FILIP1L: variants seen among roughly 807,000 people sequenced by gnomAD.
FILIP1L encodes filamin A-interacting protein 1-like.
In FILIP1L, 55 loss-of-function variants were observed where a neutral mutation model predicts 96.6. That is an observed-to-expected ratio of 0.57 (90% CI 0.46 to 0.71). The LOEUF (loss-of-function observed/expected upper bound fraction) is 0.71, where lower values mean the gene tolerates loss of function less well. FILIP1L is among the 30% of genes least tolerant of loss of function. FILIP1L has a pLI of 0.00. For missense variants in FILIP1L, 1,304 were observed against 1,321.2 expected (o/e 0.99, Z 0.20); for synonymous variants, 467 against 473.9 (o/e 0.99, Z 0.19).
At chr3:99,848,257 G>C (rs1156256198) in intron 5 of FILIP1L, 38 bp downstream of exon 5, 13 of 1,608,318 alleles carry the variant, frequency 8.1e-6, no homozygotes, top group Non-Finnish European at 1.1e-5. Flanking sequence ...GTATGGACTG[G>C]ATGAGGGTGA....
intron 1 of FILIP1L, among the ~76,000 whole-genome samples, chr3:99,931,307 C>G (rs1037342544): frequency 3.3e-5 from 5 of 152,130 alleles, no homozygotes; most frequent in Admixed American, 6.5e-5. Context: ...AACTTCATCC[C>G]CCAAGCATTC....
At chr3:100,050,913 C>G (rs1051415789) in intron 1 of FILIP1L, among the ~76,000 whole-genome samples, 1 of 152,118 alleles carries the variant, frequency 6.6e-6, no homozygotes, top group African/African-American at 2.4e-5. Flanking sequence ...GGAAGTGGCT[C>G]CTTGTGGAAG....
In FILIP1L at chr3:99,930,837, G is replaced by A. The variant is rs1309239596; in HGVS notation, c.184C>T (p.His62Tyr). The A allele has an allele frequency of 6.2e-7, 1 of 1,612,430 alleles. No homozygotes were observed. Among genetic ancestry groups the A allele is most frequent in the Non-Finnish European group, 8.5e-7 (1 of 1,179,498 alleles). Residue 62 changes from histidine to tyrosine, a missense_variant, in exon 2 of 6, where the codon CAC becomes TAC. His to Tyr is a moderately conservative substitution (Grantham distance 83). Coordinates refer to ENST00000477258, the MANE Select transcript of FILIP1L (RefSeq NM_001387850.1). ...KAEKPHSGNG[H>Y]QAEDLSRDDL... ...TCTCTTGAGAGGTCTTCTGCTTGGTGGCCATTACCACTGTGTGGCTTCTCT... is the reference window on the plus strand; with the variant it reads ...TCTCTTGAGAGGTCTTCTGCTTGGTAGCCATTACCACTGTGTGGCTTCTCT...
chr3:99,883,116 G>A (rs1005004102), intron 4 of FILIP1L, among the ~76,000 whole-genome samples: 10 of 152,164 alleles, frequency 6.6e-5, no homozygotes, highest in East Asian at 1.9e-4. Context: ...TTGTGTCTAC[G>A]CTTAGATTGA....
At chr3:99,914,434 A>AT (rs947205791) in intron 4 of FILIP1L, among the ~76,000 whole-genome samples, 48 of 151,904 alleles carry the variant, frequency 3.2e-4, no homozygotes, top group African/African-American at 1.2e-3. Flanking sequence ...GATATGTTAG[A>AT]TTTTTTTTTC....
intron 4 of FILIP1L, among the ~76,000 whole-genome samples, chr3:99,863,557 T>TA (rs1944365333): frequency 1.3e-5 from 2 of 152,240 alleles, no homozygotes; most frequent in South Asian, 4.1e-4. Context: ...GATTGAAAGA[T>TA]ACCCTAGTTG....
chr3:99,938,483 C>G (rs1445623121), intron 1 of FILIP1L, among the ~76,000 whole-genome samples: 2 of 152,128 alleles, frequency 1.3e-5, no homozygotes, highest in Non-Finnish European at 2.9e-5. Flanking sequence ...GGGAGTGATC[C>G]AAGGCTTTAA....
rs1419285625 is a variant in FILIP1L, at chr3:99,924,226, T to G, written c.605+4A>C. ...GGGACATTGTTTGCCCAAAGCAGCC[T>G]TACCTTTCACATTCCTGTTCTAGTA... On this transcript the variant is annotated splice_donor_region_variant and intron_variant, in intron 4 of 5. Transcript: ENST00000477258. The G allele has an allele frequency of 6.2e-7, 1 of 1,612,046 alleles. No homozygotes were observed. The highest frequency in any genetic ancestry group is 8.5e-7 in the Non-Finnish European group (1 of 1,179,076).
chr3:99,934,898 G>A (rs1462846332), intron 1 of FILIP1L, among the ~76,000 whole-genome samples: 1 of 152,190 alleles, frequency 6.6e-6, no homozygotes, highest in African/African-American at 2.4e-5. Flanking sequence ...CTCTTTGGAG[G>A]CTGGGGATAG....
intron 1 of FILIP1L, among the ~76,000 whole-genome samples, chr3:99,989,679 TATATA>T (rs781684090): frequency 7.0e-6 from 1 of 143,850 alleles, no homozygotes; most frequent in Admixed American, 6.9e-5. Context: ...TATATATATA[TATATA>T]TTTTTTTTCT....
chr3:99,921,113 T>G (rs892511442), intron 4 of FILIP1L, among the ~76,000 whole-genome samples: 1 of 152,186 alleles, frequency 6.6e-6, no homozygotes, highest in African/African-American at 2.4e-5. Context: ...TCTTTGACCC[T>G]TCAGGATAAG....
At position 99,929,970 on chromosome 3, in the gene FILIP1L, T is replaced by C. The variant is rs753150696; in HGVS notation, c.312A>G (p.Glu104=). The change falls in exon 3 of 6, where the codon GAA becomes GAG. Residue 104 remains glutamate, a synonymous_variant. Transcript: ENST00000477258. ...KAEKMDLALL[E]AQYGFVTPKK... is the part of the protein sequence containing the mutation. ...TTGGAGTGACAAACCCATACTGAGC[T>C]TCCAGCAAAGCCAGGTCCATTTTTT... The C allele has an allele frequency of 1.2e-6, 2 of 1,613,962 alleles. No individual in the cohort carries two copies. Among genetic ancestry groups the C allele is most frequent in the African/African-American group, 2.7e-5 (2 of 74,918 alleles).
chr3:99,866,419 A>G (rs192952002), intron 4 of FILIP1L, among the ~76,000 whole-genome samples: 51 of 150,002 alleles, frequency 3.4e-4, no homozygotes, highest in African/African-American at 1.3e-3. Context: ...TAGAAACCAC[A>G]ACAACAGATG....
intron 1 of FILIP1L, among the ~76,000 whole-genome samples, chr3:99,944,728 C>T (rs948158749): frequency 6.6e-6 from 1 of 152,186 alleles, no homozygotes; most frequent in Non-Finnish European, 1.5e-5. Context: ...AATTCCTTCT[C>T]TTTAGGAAGA....
chr3:100,069,011 T>A (rs956505779), intron 1 of FILIP1L, among the ~76,000 whole-genome samples: 1 of 152,170 alleles, frequency 6.6e-6, no homozygotes, highest in African/African-American at 2.4e-5. Context: ...CAAACCCAGA[T>A]AGAACGTTAG....
intron 1 of FILIP1L, among the ~76,000 whole-genome samples, chr3:100,093,574 A>G (rs1407657129): frequency 6.6e-6 from 1 of 151,680 alleles, no homozygotes; most frequent in East Asian, 1.9e-4. Context: ...GTTTCCTCCA[A>G]TGGTAACATC....
chr3:99,832,067 G>A (rs1333143941), intron 5 of FILIP1L, among the ~76,000 whole-genome samples: 2 of 152,062 alleles, frequency 1.3e-5, no homozygotes, highest in African/African-American at 4.8e-5. Context: ...GATACTTTCA[G>A]GCCCAGCTGC....
intron 4 of FILIP1L, chr3:99,875,977 T>A: frequency 1.2e-6 from 1 of 838,054 alleles, no homozygotes; most frequent in Admixed American, 6.2e-5. Flanking sequence ...CAGTTTGTGA[T>A]GCTGAGACAG....
intron 1 of FILIP1L, among the ~76,000 whole-genome samples, chr3:100,090,171 A>G (rs988963980): frequency 3.3e-5 from 5 of 152,214 alleles, no homozygotes; most frequent in Admixed American, 6.5e-5. Flanking sequence ...GAAGCACTCT[A>G]TGAATGCCCC....
Sources: gnomAD v4.1 joint callset for allele counts (sites outside exome capture counted in the v4.1 genomes callset) on GRCh38, gnomAD v4.1.1 for gene constraint, MANE v1.5 for transcripts, NCBI Gene and HGNC (gene_info 2026-07-23, HGNC 2026-07-21) for gene names.